ZFPM2: variants seen among roughly 807,000 people sequenced by gnomAD.
ZFPM2 encodes zinc finger protein ZFPM2.
Under a neutral mutation model 98.6 loss-of-function variants are expected in ZFPM2, and 20 were observed. That is an observed-to-expected ratio of 0.20 (90% confidence interval 0.14 to 0.29). The LOEUF is 0.29. Ranked by LOEUF, ZFPM2 falls within the 10% of genes least tolerant of loss-of-function variation. ZFPM2 has a pLI of 1.00. For missense variants in ZFPM2, 1,310 were observed against 1,388.6 expected (o/e 0.94, Z 0.90); for synonymous variants, 518 against 502.7 (o/e 1.03, Z -0.41).
chr8:105,487,109 GTTATA>G (rs1269624240), intron 3 of ZFPM2, among the ~76,000 whole-genome samples: 5 of 151,988 alleles, frequency 3.3e-5, no homozygotes, highest in African/African-American at 9.7e-5. Context: ...TATGTAGTGT[GTTATA>G]TTATATTTTT....
At chr8:105,558,138 A>T (rs747659297) in intron 3 of ZFPM2, among the ~76,000 whole-genome samples, 5 of 152,196 alleles carry the variant, frequency 3.3e-5, no homozygotes, top group Non-Finnish European at 5.9e-5. Flanking sequence ...GAAAAAAAAT[A>T]AAATATCATA....
intron 1 of ZFPM2, among the ~76,000 whole-genome samples, chr8:105,319,320 A>C (rs1270507549): frequency 6.6e-6 from 1 of 152,072 alleles, no homozygotes; most frequent in African/African-American, 2.4e-5. Flanking sequence ...GCTCCTTTAG[A>C]CGCTTATTAT....
intron 4 of ZFPM2, among the ~76,000 whole-genome samples, chr8:105,611,862 C>A (rs1226566582): frequency 6.6e-6 from 1 of 151,754 alleles, no homozygotes; most frequent in Admixed American, 6.6e-5. Flanking sequence ...CCACGCCTAG[C>A]TAATTTTTTG....
At chr8:105,627,724 T>C (rs1350673023) in intron 4 of ZFPM2, among the ~76,000 whole-genome samples, 11 of 152,194 alleles carry the variant, frequency 7.2e-5, no homozygotes, top group Non-Finnish European at 1.6e-4. Flanking sequence ...GTTTCCATGA[T>C]TGCTTCAGCA....
At chr8:105,420,481 G>A (rs1325950937) in intron 2 of ZFPM2, among the ~76,000 whole-genome samples, 1 of 152,056 alleles carries the variant, frequency 6.6e-6, no homozygotes, top group Non-Finnish European at 1.5e-5. Context: ...ATGGCACCTG[G>A]ACACACTGAA....
chr8:105,802,277 C>T lies in ZFPM2; in HGVS notation c.2195C>T (p.Thr732Ile). 1.2e-6 allele frequency: 2 copies of T among 1,613,852 alleles called. No homozygotes were observed. The highest frequency in any genetic ancestry group is 1.1e-5 in the South Asian group (1 of 91,064). Reference protein sequence around the residue: ...ASNKVPAMQRTMRTRKRRKMY... With the variant: ...ASNKVPAMQRIMRTRKRRKMY... ...AACAAAGTGCCTGCCATGCAGAGAA[C>T]CATGCGCACACGCAAGCGCAGAAAG... Residue 732 changes from threonine to isoleucine, a missense_variant, in exon 8 of 8, where the codon ACC becomes ATC. Transcript: ENST00000407775.
intron 3 of ZFPM2, among the ~76,000 whole-genome samples, chr8:105,478,783 G>A (rs1308273289): frequency 6.6e-6 from 1 of 152,172 alleles, no homozygotes; most frequent in East Asian, 1.9e-4. Flanking sequence ...CAGCTTGGGC[G>A]TGAGAAGCAC....
intron 1 of ZFPM2, among the ~76,000 whole-genome samples, chr8:105,364,591 T>A (rs978097262): frequency 1.3e-5 from 2 of 151,340 alleles, no homozygotes; most frequent in African/African-American, 4.9e-5. Flanking sequence ...AACTTTTTTA[T>A]AATCAAATGT....
chr8:105,649,823 G>T (rs1444416683), intron 5 of ZFPM2, among the ~76,000 whole-genome samples: 1 of 152,148 alleles, frequency 6.6e-6, no homozygotes, highest in Non-Finnish European at 1.5e-5. Flanking sequence ...GTTCATCAAG[G>T]ATATTGGTCT....
chr8:105,667,271 A>T (rs1382300162), intron 5 of ZFPM2, among the ~76,000 whole-genome samples: 1 of 152,202 alleles, frequency 6.6e-6, no homozygotes, highest in African/African-American at 2.4e-5. Flanking sequence ...AATACTTGAA[A>T]GTTTATCTGA....
rs531440922 is a variant in ZFPM2, at chr8:105,433,530, G to A, written c.200-10750G>A. Reference sequence around the variant, plus strand: ...CGGCTGGGCACGGTGGCTCATGCCCGTAATCTCAGCACTTTGGGAGGCCGA... The same window carrying A: ...CGGCTGGGCACGGTGGCTCATGCCCATAATCTCAGCACTTTGGGAGGCCGA... On this transcript the variant is annotated intron_variant, in intron 2 of 7. Coordinates refer to ENST00000407775, the MANE Select transcript of ZFPM2 (RefSeq NM_012082.4). 5.3e-5 allele frequency among the ~76,000 whole-genome samples: 8 copies of A among 152,298 alleles called. No homozygotes were observed. The East Asian group carries it at 7.7e-4, about 15-fold the overall frequency.
chr8:105,425,014 G>A (rs1811878288), intron 2 of ZFPM2, among the ~76,000 whole-genome samples: 1 of 152,112 alleles, frequency 6.6e-6, no homozygotes, highest in South Asian at 2.1e-4. Context: ...GGAGACTTGA[G>A]AGAAAGGAAT....
intron 6 of ZFPM2, among the ~76,000 whole-genome samples, chr8:105,790,580 CTT>C (rs1482889358): frequency 1.3e-5 from 2 of 151,974 alleles, no homozygotes. Flanking sequence ...GATGCGGGCT[CTT>C]TTTTGGTTCC....
At chr8:105,602,656 C>T (rs1158476867) in intron 4 of ZFPM2, among the ~76,000 whole-genome samples, 3 of 152,044 alleles carry the variant, frequency 2.0e-5, no homozygotes, top group Admixed American at 6.6e-5. Context: ...TGCATTTGTA[C>T]ATACATGAAT....
intron 5 of ZFPM2, among the ~76,000 whole-genome samples, chr8:105,756,754 G>A (rs540890964): frequency 5.8e-5 from 1 of 17,172 alleles, no homozygotes. Context: ...TTTAAACTAG[G>A]TAGAGGCTTT....
intron 5 of ZFPM2, among the ~76,000 whole-genome samples, chr8:105,758,343 C>G (rs1812653728): frequency 6.6e-6 from 1 of 152,080 alleles, no homozygotes; most frequent in Admixed American, 6.6e-5. Flanking sequence ...GAATACTTGA[C>G]AGTTGAAAAT....
rs150428481 is a variant in ZFPM2, at chr8:105,603,377, A to G, written c.421-30869A>G. On this transcript the variant is annotated intron_variant, in intron 4 of 7. Transcript: ENST00000407775. The stretch of plus-strand genomic sequence containing the variant: ...TAGCCTGAGGACAGAATAAAAACTT[A>G]TATCAAGGATATTAATGTACAATGA... Among the ~76,000 whole-genome samples the G allele has an allele frequency of 2.6e-5, 4 of 152,250 alleles. No homozygotes were observed. In the East Asian group the frequency reaches 7.7e-4, roughly 29 times the overall value.
At chr8:105,745,949 T>C (rs182204669) in intron 5 of ZFPM2, among the ~76,000 whole-genome samples, 3 of 152,168 alleles carry the variant, frequency 2.0e-5, no homozygotes, top group East Asian at 3.9e-4. Context: ...TTTGTTGTTG[T>C]TGTAGAGACA....
At chr8:105,590,465 A>T (rs533920701) in intron 4 of ZFPM2, among the ~76,000 whole-genome samples, 1 of 152,346 alleles carries the variant, frequency 6.6e-6, no homozygotes, top group South Asian at 2.1e-4. Flanking sequence ...AGCCACACAC[A>T]TATTAAAAAT....
Sources: gnomAD v4.1 joint callset for allele counts (sites outside exome capture counted in the v4.1 genomes callset) on GRCh38, gnomAD v4.1.1 for gene constraint, MANE v1.5 for transcripts, NCBI Gene and HGNC (gene_info 2026-07-23, HGNC 2026-07-21) for gene names.